The following EDIL3 variants were observed in gnomAD, a reference collection of about 807,000 sequenced individuals.
The protein encoded by EDIL3 is EGF-like repeat and discoidin I-like domain-containing protein 3.
Under a neutral mutation model 67.4 loss-of-function variants are expected in EDIL3, and 37 were observed. The ratio of observed to expected loss-of-function variants is 0.55; its 90% CI spans 0.42 to 0.72. The LOEUF is 0.72. Among genes scored for constraint, EDIL3 ranks in the 30% least tolerant of loss-of-function variants. EDIL3 has a pLI of 0.00. For missense variants in EDIL3, 527 were observed against 586.3 expected (o/e 0.90, Z 1.04); for synonymous variants, 195 against 196.3 (o/e 0.99, Z 0.05).
intron 1 of EDIL3, among the ~76,000 whole-genome samples, chr5:84,367,498 T>C (rs1747763070): frequency 2.0e-5 from 3 of 152,186 alleles, no homozygotes. Context: ...AAAGGGAATC[T>C]GAGCTAGGAG....
chr5:83,949,406 A>C (rs751776345), intron 10 of EDIL3, among the ~76,000 whole-genome samples: 1 of 151,912 alleles, frequency 6.6e-6, no homozygotes, highest in Non-Finnish European at 1.5e-5. Context: ...TACATGTCCC[A>C]GTTTGTGAAA....
chr5:84,309,299 C>CTTTTTT, intron 1 of EDIL3, among the ~76,000 whole-genome samples: 1 of 113,278 alleles, frequency 8.8e-6, no homozygotes. Flanking sequence ...TTTCCTCTTT[C>CTTTTTT]TTTTTTTTTC....
chr5:84,088,709 A>G (rs1272932216), intron 6 of EDIL3, among the ~76,000 whole-genome samples: 1 of 152,190 alleles, frequency 6.6e-6, no homozygotes, highest in East Asian at 1.9e-4. Flanking sequence ...AAAATGTGAC[A>G]GGCTATTTGT....
intron 3 of EDIL3, among the ~76,000 whole-genome samples, chr5:84,205,230 C>T (rs1379398528): frequency 1.3e-5 from 2 of 151,920 alleles, no homozygotes; most frequent in African/African-American, 4.8e-5. Context: ...TAAATAGTAA[C>T]TTTCTAATAA....
At chr5:84,261,228 T>C (rs1326422260) in intron 1 of EDIL3, among the ~76,000 whole-genome samples, 1 of 152,230 alleles carries the variant, frequency 6.6e-6, no homozygotes, top group Non-Finnish European at 1.5e-5. Context: ...AGAATTTGCA[T>C]ACTCAAATTG....
chr5:84,309,504 C>G (rs1177991496), intron 1 of EDIL3, among the ~76,000 whole-genome samples: 2 of 151,810 alleles, frequency 1.3e-5, no homozygotes, highest in Non-Finnish European at 2.9e-5. Context: ...TCCCCCCACC[C>G]CACAACAGTC....
At chr5:83,963,402 A>C (rs1744639236) in intron 9 of EDIL3, 42 bp from the exon 10 acceptor site, 1 of 1,546,666 alleles carries the variant, frequency 6.5e-7, no homozygotes, top group Admixed American at 2.1e-5. Context: ...GCGACAACCA[A>C]GTTGTAAACT....
chr5:84,207,128 A>T (rs563185675), intron 3 of EDIL3, among the ~76,000 whole-genome samples: 1 of 152,340 alleles, frequency 6.6e-6, no homozygotes, highest in African/African-American at 2.4e-5. Flanking sequence ...AGATGACATG[A>T]TTGTATATCC....
intron 3 of EDIL3, among the ~76,000 whole-genome samples, chr5:84,212,472 G>C (rs1158517500): frequency 6.6e-6 from 1 of 152,138 alleles, no homozygotes; most frequent in Non-Finnish European, 1.5e-5. Context: ...GATTTACTTG[G>C]AAGAAATTCG....
intron 10 of EDIL3, among the ~76,000 whole-genome samples, chr5:83,960,422 G>C (rs906245390): frequency 2.7e-5 from 4 of 150,920 alleles, no homozygotes; most frequent in Non-Finnish European, 4.5e-5. Flanking sequence ...TTCGATGTTT[G>C]AGGTGATGGA....
At chr5:84,234,588 AAACTTTTAT>A (rs1454765123) in intron 2 of EDIL3, among the ~76,000 whole-genome samples, 1 of 152,196 alleles carries the variant, frequency 6.6e-6, no homozygotes, top group Non-Finnish European at 1.5e-5. Context: ...TGTTTTAAGT[AAACTTTTAT>A]AACTTGGAAA....
At chr5:84,059,533 T>G (rs1434097840) in intron 9 of EDIL3, among the ~76,000 whole-genome samples, 2 of 152,196 alleles carry the variant, frequency 1.3e-5, no homozygotes, top group Non-Finnish European at 2.9e-5. Flanking sequence ...TATTTTAAAT[T>G]GTTTTCATGA....
At chr5:84,224,701 T>C (rs1390455226) in intron 3 of EDIL3, among the ~76,000 whole-genome samples, 1 of 151,516 alleles carries the variant, frequency 6.6e-6, no homozygotes, top group African/African-American at 2.4e-5. Flanking sequence ...TCTTCATATT[T>C]GCAAAGCTTT....
intron 4 of EDIL3, among the ~76,000 whole-genome samples, chr5:84,157,371 CATATTCCAGATGT>C (rs766629583): frequency 6.6e-6 from 1 of 151,896 alleles, no homozygotes; most frequent in South Asian, 2.1e-4. Flanking sequence ...CAGTTTTGTA[CATATTCCAGATGT>C]GAAGTAAGCA....
intron 5 of EDIL3, among the ~76,000 whole-genome samples, chr5:84,119,189 C>CA (rs1561436854): frequency 7.0e-6 from 1 of 142,410 alleles, no homozygotes; most frequent in East Asian, 2.1e-4. Context: ...GCTACCAGTT[C>CA]AGCCATGTTT....
At chr5:84,151,737 G>A (rs1238514352) in intron 4 of EDIL3, among the ~76,000 whole-genome samples, 1 of 151,924 alleles carries the variant, frequency 6.6e-6, no homozygotes, top group Non-Finnish European at 1.5e-5. Context: ...ACTATAACGG[G>A]GGTTAGCTAT....
chr5:84,311,418 G>A (rs1394826465), intron 1 of EDIL3, among the ~76,000 whole-genome samples: 1 of 150,112 alleles, frequency 6.7e-6, no homozygotes, highest in Non-Finnish European at 1.5e-5. Context: ...ATATTTTGGA[G>A]GTAAAATTAT....
chr5:84,160,819 C>A (rs74909398), intron 4 of EDIL3, among the ~76,000 whole-genome samples: 5 of 69,128 alleles, frequency 7.2e-5, no homozygotes, highest in African/African-American at 2.5e-4. Context: ...CCTTTCCTTT[C>A]CCTTTCCTTT....
chr5:84,227,900 A>T (rs1744485855), intron 3 of EDIL3, among the ~76,000 whole-genome samples: 1 of 152,110 alleles, frequency 6.6e-6, no homozygotes, highest in South Asian at 2.1e-4. Context: ...CCTGGGAACA[A>T]TAAACACTGC....
Sources: gnomAD v4.1 joint callset for allele counts (sites outside exome capture counted in the v4.1 genomes callset) on GRCh38, gnomAD v4.1.1 for gene constraint, MANE v1.5 for transcripts, NCBI Gene and HGNC (gene_info 2026-07-23, HGNC 2026-07-21) for gene names.